The following BBS9 variants were observed in gnomAD, a reference collection of about 807,000 sequenced individuals.
BBS9 encodes protein PTHB1.
Under a neutral mutation model 117.7 loss-of-function variants are expected in BBS9, and 89 were observed. That is an observed-to-expected ratio of 0.76 (90% CI 0.64 to 0.90). The LOEUF is 0.90. Ranked by LOEUF, BBS9 falls within the 40% of genes least tolerant of loss-of-function variation. The pLI, the probability that BBS9 is intolerant of heterozygous loss-of-function variation, is 0.00. For missense variants in BBS9, 982 were observed against 1,042.2 expected (o/e 0.94, Z 0.80); for synonymous variants, 379 against 370.9 (o/e 1.02, Z -0.25).
At chr7:33,424,667 A>G (rs1833387634) in intron 19 of BBS9, among the ~76,000 whole-genome samples, 1 of 152,196 alleles carries the variant, frequency 6.6e-6, no homozygotes, top group African/African-American at 2.4e-5. Context: ...GTTTAACAGA[A>G]TTTTGTAGGA....
At chr7:33,337,004 T>C (rs1815512905) in intron 10 of BBS9, among the ~76,000 whole-genome samples, 1 of 152,162 alleles carries the variant, frequency 6.6e-6, no homozygotes, top group Admixed American at 6.5e-5. Flanking sequence ...TAGTTCTTCT[T>C]TTAAAAGAAA....
chr7:33,290,956 ATTAG>A (rs1485446560), intron 9 of BBS9, among the ~76,000 whole-genome samples: 8 of 152,184 alleles, frequency 5.3e-5, no homozygotes, highest in Non-Finnish European at 8.8e-5. Context: ...AGAAAAAAGT[ATTAG>A]TTATTTATGC....
chr7:33,612,840 A>G (rs1054886565), intron 21 of BBS9, among the ~76,000 whole-genome samples: 10 of 152,058 alleles, frequency 6.6e-5, no homozygotes, highest in Non-Finnish European at 1.0e-4. Flanking sequence ...ATATAGAGAA[A>G]AGACCTTATG....
intron 4 of BBS9, among the ~76,000 whole-genome samples, chr7:33,163,497 T>A (rs1056764119): frequency 2.6e-5 from 4 of 152,194 alleles, no homozygotes; most frequent in Non-Finnish European, 5.9e-5. Context: ...AATTATTGCC[T>A]CAATTTCAGA....
chr7:33,273,107 A>G lies in BBS9; in HGVS notation c.798A>G (p.Arg266=), dbSNP rs1228926716. The G allele has an allele frequency of 6.2e-7, 1 of 1,613,564 alleles. No homozygotes were observed. Among genetic ancestry groups the G allele is most frequent in the African/African-American group, 1.3e-5 (1 of 74,866 alleles). Residue 266 remains arginine (R), a synonymous_variant, in exon 8 of 23, where the codon AGA becomes AGG. Transcript: ENST00000242067. ...CCTCTGTTTTTGTTCTTGGTGAGAGAAACTTTTTTTGCCTTAAGGATAATG... is the reference window on the plus strand; with the variant it reads ...CCTCTGTTTTTGTTCTTGGTGAGAGGAACTTTTTTTGCCTTAAGGATAATG... ...SASSVFVLGE[R]NFFCLKDNGQ...
At chr7:33,191,273 G>C (rs185348413) in intron 5 of BBS9, among the ~76,000 whole-genome samples, 28 of 152,272 alleles carry the variant, frequency 1.8e-4, no homozygotes, top group African/African-American at 5.5e-4. Flanking sequence ...CCTTATTTGG[G>C]CTATGTTTAA....
In BBS9 at chr7:33,265,629, G is replaced by A. The variant is rs376829584; in HGVS notation, c.702+1255G>A. 4.6e-5 allele frequency among the ~76,000 whole-genome samples: 7 copies of A among 152,086 alleles called. No homozygotes were observed. In the East Asian group the frequency reaches 9.6e-4, roughly 21 times the overall value. On this transcript the variant is annotated intron_variant, in intron 7 of 22. Transcript: ENST00000242067. ...GCAGGCTGAGGCAGGTGGATCACCC[G>A]AGTTCAGGAGTTCGAGAGCAGCCTG...
chr7:33,479,431 G>T (rs2128970906), intron 19 of BBS9, among the ~76,000 whole-genome samples: 1 of 152,258 alleles, frequency 6.6e-6, no homozygotes, highest in African/African-American at 2.4e-5. Flanking sequence ...TTGCTGCCAA[G>T]GACATTATTT....
chr7:33,308,109 G>T (rs1808421257), intron 9 of BBS9, among the ~76,000 whole-genome samples: 1 of 152,168 alleles, frequency 6.6e-6, no homozygotes, highest in South Asian at 2.1e-4. Context: ...ACTGGTAAAA[G>T]GCAGGTAAGC....
intron 19 of BBS9, among the ~76,000 whole-genome samples, chr7:33,499,287 A>T (rs1344401730): frequency 6.6e-6 from 1 of 152,204 alleles, no homozygotes; most frequent in Admixed American, 6.5e-5. Context: ...AGGTGATGAA[A>T]CTAGAGCCCA....
chr7:33,319,276 T>C (rs1253966921), intron 9 of BBS9, among the ~76,000 whole-genome samples: 2 of 152,222 alleles, frequency 1.3e-5, no homozygotes, highest in Non-Finnish European at 2.9e-5. Context: ...GTACCACAGT[T>C]TCTTTATCCA....
At chr7:33,313,503 A>G (rs1809772528) in intron 9 of BBS9, among the ~76,000 whole-genome samples, 1 of 152,144 alleles carries the variant, frequency 6.6e-6, no homozygotes, top group Non-Finnish European at 1.5e-5. Context: ...TCTTGTGTTG[A>G]CTTTCTAGTA....
At chr7:33,582,527 C>T (rs1408636290) in intron 21 of BBS9, among the ~76,000 whole-genome samples, 1 of 143,586 alleles carries the variant, frequency 7.0e-6, no homozygotes. Context: ...CTACAATACA[C>T]ACACACACAC....
chr7:33,477,062 G>A (rs1841900219), intron 19 of BBS9, among the ~76,000 whole-genome samples: 2 of 152,240 alleles, frequency 1.3e-5, no homozygotes, highest in South Asian at 4.2e-4. Context: ...CCACTTACTA[G>A]CCTTGTGGCC....
intron 19 of BBS9, among the ~76,000 whole-genome samples, chr7:33,470,169 ACTG>A (rs771424106): frequency 6.6e-6 from 1 of 152,126 alleles, no homozygotes; most frequent in African/African-American, 2.4e-5. Context: ...ACTAAATCCA[ACTG>A]TGGTACTACT....
intron 9 of BBS9, among the ~76,000 whole-genome samples, chr7:33,294,386 CAT>C (rs1804833013): frequency 6.6e-6 from 1 of 151,800 alleles, no homozygotes; most frequent in African/African-American, 2.4e-5. Flanking sequence ...TCCATCCATC[CAT>C]CCATCCATCC....
chr7:33,141,205 T>C (rs984666385), intron 1 of BBS9, among the ~76,000 whole-genome samples: 1 of 152,060 alleles, frequency 6.6e-6, no homozygotes, highest in African/African-American at 2.4e-5. Flanking sequence ...GGTGGATTGC[T>C]TGAGGTCAGG....
chr7:33,367,880 A>T lies in BBS9; in HGVS notation c.1789+18A>T. On this transcript the variant is annotated intron_variant, in intron 17 of 22. Coordinates refer to ENST00000242067, the MANE Select transcript of BBS9 (RefSeq NM_198428.3). ...AACTTCTCGTAAGTAAAACCATGTT[A>T]TCATTGCTTTTTAAATTTTTTTCTA... The T allele has an allele frequency of 6.2e-7, 1 of 1,607,742 alleles. No homozygotes were observed. The highest frequency in any genetic ancestry group is 8.5e-7 in the Non-Finnish European group (1 of 1,174,404).
At chr7:33,381,712 C>T (rs1027090322) in intron 17 of BBS9, among the ~76,000 whole-genome samples, 1 of 152,158 alleles carries the variant, frequency 6.6e-6, no homozygotes, top group Non-Finnish European at 1.5e-5. Context: ...ATGGGCAGAA[C>T]TCAGCATCCA....
Sources: allele counts gnomAD v4.1 joint callset (sites outside exome capture counted in the v4.1 genomes callset), GRCh38; gene constraint gnomAD v4.1.1; transcripts MANE v1.5; gene names NCBI Gene and HGNC (gene_info 2026-07-23, HGNC 2026-07-21).